CDYL2: variants seen among roughly 807,000 people sequenced by gnomAD.
CDYL2 encodes chromodomain Y-like protein 2.
A neutral mutation model predicts 49.4 loss-of-function variants in CDYL2; 23 were observed. The ratio of observed to expected loss-of-function variants is 0.47; its 90% CI spans 0.34 to 0.66. The LOEUF (loss-of-function observed/expected upper bound fraction) is 0.66, where lower values mean the gene tolerates loss of function less well. CDYL2 is among the 30% of genes least tolerant of loss of function. The pLI, the probability that CDYL2 is intolerant of heterozygous loss-of-function variation, is 0.01. For synonymous variants in CDYL2, 360 were observed against 268.8 expected (o/e 1.34, Z -3.32); for missense variants, 678 against 656.4 (o/e 1.03, Z -0.36).
chr16:80,796,473 G>A (rs991585305), intron 1 of CDYL2, among the ~76,000 whole-genome samples: 4 of 152,016 alleles, frequency 2.6e-5, no homozygotes, highest in Non-Finnish European at 2.9e-5. Context: ...CACTAAATGC[G>A]GCTGCAACAA....
At chr16:80,752,745 T>C (rs748361320) in intron 1 of CDYL2, among the ~76,000 whole-genome samples, 3 of 152,188 alleles carry the variant, frequency 2.0e-5, no homozygotes, top group Admixed American at 6.5e-5. Flanking sequence ...TCTGTCAGTG[T>C]TTGCTGATTT....
chr16:80,776,165 A>G (rs183776998), intron 1 of CDYL2, among the ~76,000 whole-genome samples: 1 of 152,292 alleles, frequency 6.6e-6, no homozygotes, highest in East Asian at 1.9e-4. Flanking sequence ...AGAAAAATAC[A>G]TATCAATTAG....
chr16:80,725,158 C>T (rs1392552135), intron 1 of CDYL2, among the ~76,000 whole-genome samples: 1 of 148,946 alleles, frequency 6.7e-6, no homozygotes, highest in African/African-American at 2.5e-5. Context: ...AACTCCCATA[C>T]ACCTGTGCAA....
chr16:80,775,063 A>G (rs2142398945), intron 1 of CDYL2, among the ~76,000 whole-genome samples: 1 of 152,162 alleles, frequency 6.6e-6, no homozygotes, highest in African/African-American at 2.4e-5. Context: ...CATTTCTTGA[A>G]CATATAATTA....
At chr16:80,660,009 C>T (rs1416203203) in intron 2 of CDYL2, among the ~76,000 whole-genome samples, 2 of 151,666 alleles carry the variant, frequency 1.3e-5, no homozygotes, top group East Asian at 3.9e-4. Flanking sequence ...CTGAAAACAG[C>T]AATAACAGAG....
chr16:80,666,224 C>A (rs534962053), intron 2 of CDYL2, among the ~76,000 whole-genome samples: 5 of 152,184 alleles, frequency 3.3e-5, no homozygotes, highest in Admixed American at 6.5e-5. Context: ...TTTCTACCTG[C>A]CTGCTCTTAT....
intron 2 of CDYL2, among the ~76,000 whole-genome samples, chr16:80,677,325 G>T (rs959181457): frequency 2.0e-5 from 3 of 152,106 alleles, no homozygotes; most frequent in African/African-American, 7.2e-5. Context: ...CCTTTAGGCT[G>T]TTTTGTTGAG....
intron 2 of CDYL2, among the ~76,000 whole-genome samples, chr16:80,644,946 C>T (rs1908268703): frequency 6.6e-6 from 1 of 152,106 alleles, no homozygotes; most frequent in East Asian, 1.9e-4. Context: ...ATGTAGAAAG[C>T]TGAAACTGGA....
chr16:80,776,263 T>A (rs1907079749), intron 1 of CDYL2, among the ~76,000 whole-genome samples: 1 of 152,210 alleles, frequency 6.6e-6, no homozygotes, highest in South Asian at 2.1e-4. Flanking sequence ...TCAATTCAAC[T>A]AGCTAGAAAA....
intron 1 of CDYL2, among the ~76,000 whole-genome samples, chr16:80,757,697 T>C (rs916558327): frequency 2.0e-5 from 3 of 151,830 alleles, no homozygotes; most frequent in Non-Finnish European, 2.9e-5. Context: ...ATATTCATAA[T>C]AACAACAAAA....
intron 1 of CDYL2, among the ~76,000 whole-genome samples, chr16:80,751,413 G>C (rs181101031): frequency 1.6e-3 from 251 of 152,322 alleles, no homozygotes; most frequent in South Asian, 5.6e-3. Context: ...GAGCAGTATA[G>C]GGGTAGATGC....
At chr16:80,660,597 A>G (rs1909001487) in intron 2 of CDYL2, among the ~76,000 whole-genome samples, 1 of 152,178 alleles carries the variant, frequency 6.6e-6, no homozygotes, top group African/African-American at 2.4e-5. Context: ...ATAAAATGCT[A>G]CCTAAAATAG....
intron 5 of CDYL2, among the ~76,000 whole-genome samples, chr16:80,611,226 C>A (rs2142363842): frequency 6.6e-6 from 1 of 152,266 alleles, no homozygotes; most frequent in African/African-American, 2.4e-5. Context: ...TTCACCCCTG[C>A]ACTCCTGGTG....
At chr16:80,764,646 A>G (rs1187174609) in intron 1 of CDYL2, among the ~76,000 whole-genome samples, 1 of 152,218 alleles carries the variant, frequency 6.6e-6, no homozygotes, top group African/African-American at 2.4e-5. Flanking sequence ...ATGAGATACT[A>G]GCATCAATGG....
At chr16:80,704,182 A>C (rs773007626) in intron 1 of CDYL2, among the ~76,000 whole-genome samples, 4 of 152,218 alleles carry the variant, frequency 2.6e-5, no homozygotes, top group Non-Finnish European at 5.9e-5. Flanking sequence ...CAAGCCAGAC[A>C]CTGCTAATCA....
intron 1 of CDYL2, among the ~76,000 whole-genome samples, chr16:80,735,941 C>T (rs1015009741): frequency 1.3e-5 from 2 of 152,212 alleles, no homozygotes; most frequent in African/African-American, 2.4e-5. Context: ...CACAGAGACT[C>T]GGGTCTGCAC....
intron 1 of CDYL2, among the ~76,000 whole-genome samples, chr16:80,743,011 T>C (rs1222352685): frequency 1.7e-4 from 2 of 11,516 alleles, no homozygotes; most frequent in East Asian, 2.4e-3. Context: ...AATGTATGGA[T>C]GGGTAAGAGG....
intron 1 of CDYL2, 90 bp from the exon 2 acceptor site, chr16:80,685,219 GA>G: frequency 9.8e-7 from 1 of 1,022,256 alleles, no homozygotes; most frequent in Non-Finnish European, 1.5e-6. Flanking sequence ...AAGCCTTTGG[GA>G]TAGAGGCATC....
At chr16:80,619,157 G>A (rs1303819611) in intron 4 of CDYL2, among the ~76,000 whole-genome samples, 3 of 152,138 alleles carry the variant, frequency 2.0e-5, no homozygotes, top group Non-Finnish European at 1.5e-5. Context: ...ACCTTCTCCT[G>A]TCTCTGTGTC....
Sources: gnomAD v4.1 joint callset for allele counts (sites outside exome capture counted in the v4.1 genomes callset) on GRCh38, gnomAD v4.1.1 for gene constraint, MANE v1.5 for transcripts, NCBI Gene and HGNC (gene_info 2026-07-23, HGNC 2026-07-21) for gene names.